MRTFA: variants seen among roughly 807,000 people sequenced by gnomAD.
MRTFA encodes myocardin related transcription factor A, also known as myocardin-related transcription factor A.
A neutral mutation model predicts 83.5 loss-of-function variants in MRTFA; 20 were observed. The observed-to-expected ratio is 0.24, with a 90% confidence interval of 0.17 to 0.35. The LOEUF is 0.35. Ranked by LOEUF, MRTFA falls within the 10% of genes least tolerant of loss-of-function variation. The pLI, the probability that MRTFA is intolerant of heterozygous loss-of-function variation, is 1.00. For synonymous variants in MRTFA, 659 were observed against 541.2 expected (o/e 1.22, Z -3.02); for missense variants, 1,200 against 1,224.7 (o/e 0.98, Z 0.30).
intron 2 of MRTFA, chr22:40,587,163 C>G (rs762894431): frequency 8.9e-5 from 41 of 459,318 alleles, no homozygotes; most frequent in Non-Finnish European, 1.5e-4. Context: ...CTGTATTGAT[C>G]ATCTTGTGCA....
At chr22:40,485,525 G>T (rs1602319538) in intron 3 of MRTFA, among the ~76,000 whole-genome samples, 1 of 152,158 alleles carries the variant, frequency 6.6e-6, no homozygotes. Context: ...AAAGGAAAGG[G>T]GGGCAGGGCA....
intron 1 of MRTFA, among the ~76,000 whole-genome samples, 186 bp downstream of exon 1, chr22:40,636,292 C>T (rs981994601): frequency 6.6e-6 from 1 of 152,196 alleles, no homozygotes; most frequent in African/African-American, 2.4e-5. Flanking sequence ...GCACAGTGAC[C>T]GCCGCTCTGC....
intron 7 of MRTFA, among the ~76,000 whole-genome samples, chr22:40,426,102 G>T (rs2052947930): frequency 6.6e-6 from 1 of 152,156 alleles, no homozygotes; most frequent in East Asian, 1.9e-4. Flanking sequence ...TGGAGGAAGG[G>T]TGGGATGGGG....
At chr22:40,534,831 C>T (rs767215186) in intron 3 of MRTFA, among the ~76,000 whole-genome samples, 5 of 152,202 alleles carry the variant, frequency 3.3e-5, no homozygotes, top group African/African-American at 9.6e-5. Flanking sequence ...TATGTGAAAG[C>T]TGGCTGCTGC....
intron 4 of MRTFA, among the ~76,000 whole-genome samples, chr22:40,454,606 ACT>A (rs1216216774): frequency 6.6e-6 from 1 of 151,980 alleles, no homozygotes; most frequent in Non-Finnish European, 1.5e-5. Flanking sequence ...CTCCAAACTC[ACT>A]CTGTGGGTAA....
intron 9 of MRTFA, among the ~76,000 whole-genome samples, chr22:40,422,864 G>T (rs1381466765): frequency 6.6e-6 from 1 of 152,216 alleles, no homozygotes; most frequent in Non-Finnish European, 1.5e-5. Flanking sequence ...TGAGGAGAGA[G>T]CCTGGGGAAT....
intron 4 of MRTFA, among the ~76,000 whole-genome samples, chr22:40,446,864 T>A (rs2053387624): frequency 6.6e-6 from 1 of 152,244 alleles, no homozygotes; most frequent in African/African-American, 2.4e-5. Flanking sequence ...CGAGCCTACA[T>A]GTGTCGGACC....
chr22:40,577,254 A>T (rs2055881066), intron 2 of MRTFA, among the ~76,000 whole-genome samples: 2 of 150,978 alleles, frequency 1.3e-5, no homozygotes, highest in Non-Finnish European at 3.0e-5. Flanking sequence ...AAAAAAAAAA[A>T]AAATTAAAAA....
intron 1 of MRTFA, among the ~76,000 whole-genome samples, chr22:40,607,787 A>T (rs2056335760): frequency 6.6e-6 from 1 of 152,198 alleles, no homozygotes; most frequent in Non-Finnish European, 1.5e-5. Flanking sequence ...ACTCCACACT[A>T]GGGCAAACTA....
At chr22:40,490,922 A>G (rs2054262037) in intron 3 of MRTFA, among the ~76,000 whole-genome samples, 2 of 152,174 alleles carry the variant, frequency 1.3e-5, no homozygotes, top group South Asian at 4.1e-4. Flanking sequence ...TAAAGCTCCT[A>G]TTGTCGTTTT....
intron 2 of MRTFA, among the ~76,000 whole-genome samples, chr22:40,557,053 G>A (rs950735502): frequency 3.3e-5 from 5 of 152,156 alleles, no homozygotes; most frequent in Admixed American, 6.5e-5. Flanking sequence ...AGAAAATTAA[G>A]AAATTTAACT....
chr22:40,618,081 T>G (rs1049106367), intron 1 of MRTFA, among the ~76,000 whole-genome samples: 7 of 110,210 alleles, frequency 6.4e-5, no homozygotes, highest in Non-Finnish European at 1.2e-4. Flanking sequence ...TTGTTTTTTG[T>G]TTTTTTTTTT....
At chr22:40,441,046 A>C (rs952248327) in intron 4 of MRTFA, among the ~76,000 whole-genome samples, 4 of 152,230 alleles carry the variant, frequency 2.6e-5, no homozygotes, top group Non-Finnish European at 5.9e-5. Flanking sequence ...ACTCCAAGAA[A>C]GCAGTCTCTA....
chr22:40,589,621 T>C (rs1050297712), intron 2 of MRTFA, among the ~76,000 whole-genome samples: 3 of 152,228 alleles, frequency 2.0e-5, no homozygotes, highest in African/African-American at 7.2e-5. Flanking sequence ...TAATAATGTC[T>C]ACTAAAGTAC....
At chr22:40,577,416 T>G (rs1198302107) in intron 2 of MRTFA, among the ~76,000 whole-genome samples, 1 of 150,462 alleles carries the variant, frequency 6.6e-6, no homozygotes, top group African/African-American at 2.4e-5. Context: ...CATTAACCAT[T>G]TTACTTGATA....
rs569750634 is a variant in MRTFA at position 40,534,966 on chromosome 22, G to A, written c.241+17140C>T. On this transcript the variant is annotated intron_variant, in intron 3 of 14. Coordinates refer to ENST00000355630, the MANE Select transcript of MRTFA (RefSeq NM_020831.6). Reference sequence around the variant, plus strand: ...GGCAATATTTTGTTATTAGTAAAGAGAAGCAATGCAAATTTGGGGTGAGGG... The same window carrying A: ...GGCAATATTTTGTTATTAGTAAAGAAAAGCAATGCAAATTTGGGGTGAGGG... Among the ~76,000 whole-genome samples, 15 of 152,312 alleles carry A rather than the reference G, an allele frequency of 9.8e-5. No individual in the cohort carries two copies. The East Asian group carries it at 2.7e-3, about 27-fold the overall frequency.
At chr22:40,456,540 T>C (rs1316535802) in intron 4 of MRTFA, among the ~76,000 whole-genome samples, 2 of 152,018 alleles carry the variant, frequency 1.3e-5, no homozygotes, top group East Asian at 1.9e-4. Flanking sequence ...ATACAAAAAC[T>C]AGCTGGACGT....
intron 3 of MRTFA, among the ~76,000 whole-genome samples, chr22:40,478,444 T>C (rs971495053): frequency 1.5e-4 from 23 of 152,298 alleles, no homozygotes; most frequent in African/African-American, 5.3e-4. Flanking sequence ...AACTTTCTTC[T>C]AAGTCTAAAA....
intron 2 of MRTFA, among the ~76,000 whole-genome samples, chr22:40,570,405 C>G (rs1478502688): frequency 2.0e-5 from 3 of 151,390 alleles, no homozygotes; most frequent in Non-Finnish European, 4.4e-5. Context: ...GAAACCCTGT[C>G]TCTACTTAAA....
Sources: allele counts gnomAD v4.1 joint callset (sites outside exome capture counted in the v4.1 genomes callset), GRCh38; gene constraint gnomAD v4.1.1; transcripts MANE v1.5; gene names NCBI Gene and HGNC (gene_info 2026-07-23, HGNC 2026-07-21).